The following RNF216 variants were observed in gnomAD, a reference collection of about 807,000 sequenced individuals.
RNF216 encodes the protein E3 ubiquitin-protein ligase RNF216.
A neutral mutation model predicts 110.8 loss-of-function variants in RNF216; 72 were observed. That is an observed-to-expected ratio of 0.65 (90% CI 0.54 to 0.79). RNF216 has a LOEUF of 0.79. Ranked by LOEUF, RNF216 falls within the 30% of genes least tolerant of loss-of-function variation. The probability of loss-of-function intolerance (pLI) is 0.00; values close to 1 mark genes in which losing one functional copy is unlikely to be tolerated. For synonymous variants in RNF216, 495 were observed against 407.5 expected, an observed-to-expected ratio of 1.21 and a Z score of -2.59; for missense variants, 1,342 against 1,141.2, an observed-to-expected ratio of 1.18 and a Z score of -2.54.
intron 14 of RNF216, among the ~76,000 whole-genome samples, chr7:5,650,949 C>A (rs1381811347): frequency 1.3e-5 from 2 of 152,180 alleles, no homozygotes; most frequent in African/African-American, 2.4e-5. Flanking sequence ...CCTTCCATAT[C>A]CTTCATATTT....
chr7:5,672,719 A>G (rs1407210708), intron 13 of RNF216, among the ~76,000 whole-genome samples: 1 of 152,126 alleles, frequency 6.6e-6, no homozygotes, highest in Non-Finnish European at 1.5e-5. Context: ...TGGAACAGAG[A>G]AGGCCAGTGA....
At chr7:5,669,288 T>G (rs1185305583) in intron 13 of RNF216, among the ~76,000 whole-genome samples, 1 of 152,234 alleles carries the variant, frequency 6.6e-6, no homozygotes, top group Non-Finnish European at 1.5e-5. Flanking sequence ...GTCTTGGTTT[T>G]GCTGATCCTC....
At chr7:5,647,840 C>G (rs1247581261) in intron 14 of RNF216, among the ~76,000 whole-genome samples, 2 of 152,108 alleles carry the variant, frequency 1.3e-5, no homozygotes, top group Non-Finnish European at 2.9e-5. Flanking sequence ...TATATTGGAG[C>G]CCTATGATAG....
chr7:5,768,208 T>C (rs1222523526), intron 1 of RNF216, among the ~76,000 whole-genome samples: 1 of 150,378 alleles, frequency 6.6e-6, no homozygotes, highest in Non-Finnish European at 1.5e-5. Context: ...CCTAGCACTT[T>C]GGGAGGCTGA....
intron 13 of RNF216, among the ~76,000 whole-genome samples, chr7:5,655,617 G>A (rs1337202265): frequency 1.3e-5 from 2 of 151,232 alleles, no homozygotes; most frequent in East Asian, 2.0e-4. Flanking sequence ...AAAAAAGGGG[G>A]GACAAAAAAA....
chr7:5,710,383 A>C (rs1323649791), intron 13 of RNF216, among the ~76,000 whole-genome samples: 1 of 151,618 alleles, frequency 6.6e-6, no homozygotes, highest in Non-Finnish European at 1.5e-5. Context: ...AAAAACAAAA[A>C]CAAAAAACGT....
At chr7:5,630,072 G>C (rs1301285575) in intron 15 of RNF216, among the ~76,000 whole-genome samples, 1 of 152,076 alleles carries the variant, frequency 6.6e-6, no homozygotes, top group Admixed American at 6.6e-5. Context: ...GCTGCTGGGA[G>C]AGGGGAAAAA....
chr7:5,636,626 C>T (rs1787412122), intron 15 of RNF216, among the ~76,000 whole-genome samples: 2 of 152,178 alleles, frequency 1.3e-5, no homozygotes, highest in Non-Finnish European at 1.5e-5. Flanking sequence ...GAAGCCCCAA[C>T]AGATGCTGGG....
At chr7:5,669,633 C>T (rs1015531357) in intron 13 of RNF216, among the ~76,000 whole-genome samples, 1 of 152,176 alleles carries the variant, frequency 6.6e-6, no homozygotes, top group Non-Finnish European at 1.5e-5. Flanking sequence ...TGGTTCACGC[C>T]TGTAATCCCA....
intron 1 of RNF216, among the ~76,000 whole-genome samples, chr7:5,772,808 G>A (rs1177286930): frequency 6.1e-5 from 8 of 131,046 alleles, no homozygotes; most frequent in African/African-American, 8.7e-5. Context: ...ACAGAGTTTC[G>A]CTCTTGTCAT....
intron 15 of RNF216, among the ~76,000 whole-genome samples, chr7:5,629,936 C>T (rs760940487): frequency 6.6e-6 from 1 of 151,450 alleles, no homozygotes; most frequent in Non-Finnish European, 1.5e-5. Context: ...GGATAAGTGA[C>T]AGATGGGGTA....
At chr7:5,647,851 A>G (rs1458676249) in intron 14 of RNF216, among the ~76,000 whole-genome samples, 1 of 152,172 alleles carries the variant, frequency 6.6e-6, no homozygotes, top group East Asian at 1.9e-4. Context: ...CCTATGATAG[A>G]GTGGCTTAGA....
At chr7:5,675,555 T>C (rs532291078) in intron 13 of RNF216, among the ~76,000 whole-genome samples, 48 of 151,898 alleles carry the variant, frequency 3.2e-4, no homozygotes, top group Admixed American at 1.3e-3. Flanking sequence ...GGCAGGGGGA[T>C]TGCTTGAGCC....
rs528437184 is a variant in RNF216 at position 5,680,669 on chromosome 7, T to C, written c.2062-28159A>G. Reference sequence around the variant, plus strand: ...TGCCCGACTCGGCCTCCCAAAGTGCTGGGATTACAGGTGTGAGCCACCGCG... The same window carrying C: ...TGCCCGACTCGGCCTCCCAAAGTGCCGGGATTACAGGTGTGAGCCACCGCG... On this transcript the variant is annotated intron_variant, in intron 13 of 16. Coordinates refer to ENST00000389902, the MANE Select transcript of RNF216 (RefSeq NM_207111.4). This position sits in a 1 kb window ranked among gnomAD's most constrained non-coding sequence, Gnocchi z 4.3. Among the ~76,000 whole-genome samples, 6 of 152,250 alleles carry C rather than the reference T, an allele frequency of 3.9e-5. No individual in the cohort carries two copies. In the East Asian group the frequency reaches 1.2e-3, roughly 29 times the overall value.
At chr7:5,759,634 T>TTCTTC (rs1554264396) in intron 2 of RNF216, among the ~76,000 whole-genome samples, 7 of 374 alleles carry the variant, frequency 0.019, 1 homozygote, top group African/African-American at 0.04. Flanking sequence ...ATTTTTCTTC[T>TTCTTC]TTTTTTTTTT....
At chr7:5,657,174 T>C (rs1023951535) in intron 13 of RNF216, among the ~76,000 whole-genome samples, 10 of 152,352 alleles carry the variant, frequency 6.6e-5, no homozygotes, top group African/African-American at 2.4e-4. Flanking sequence ...ACTCACTCTC[T>C]AGGGGGAGAG....
At chr7:5,695,114 G>C (rs1333672038) in intron 13 of RNF216, among the ~76,000 whole-genome samples, 1 of 152,186 alleles carries the variant, frequency 6.6e-6, no homozygotes, top group Non-Finnish European at 1.5e-5. Flanking sequence ...GAAGTTCAAT[G>C]ACTTCAAGCT....
intron 13 of RNF216, among the ~76,000 whole-genome samples, chr7:5,701,419 G>A (rs1026005979): frequency 3.3e-5 from 5 of 152,100 alleles, no homozygotes; most frequent in African/African-American, 1.2e-4. Context: ...TAGGATCTCC[G>A]TTCATCTCCT....
intron 13 of RNF216, among the ~76,000 whole-genome samples, chr7:5,672,184 G>A (rs1287590406): frequency 2.0e-5 from 3 of 152,222 alleles, no homozygotes; most frequent in Admixed American, 6.5e-5. Context: ...CAGATGGAAA[G>A]CAGGCTGTAG....
Sources: allele counts gnomAD v4.1 joint callset (sites outside exome capture counted in the v4.1 genomes callset), GRCh38; gene constraint gnomAD v4.1.1; non-coding constraint Gnocchi (gnomAD v3.1); transcripts MANE v1.5; gene names NCBI Gene and HGNC (gene_info 2026-07-23, HGNC 2026-07-21).